Variants in NAV1 observed in about 807,000 individuals in gnomAD.
NAV1 encodes neuron navigator 1, also known as pore membrane and/or filament interacting like protein 3.
Under a neutral mutation model 175.2 loss-of-function variants are expected in NAV1, and 18 were observed. The observed-to-expected ratio is 0.10, with a 90% CI of 0.07 to 0.15. NAV1 has a LOEUF of 0.15. Ranked by LOEUF, NAV1 falls within the 10% of genes least tolerant of loss-of-function variation. The pLI is 1.00. For synonymous variants in NAV1, 897 were observed against 978.7 expected (o/e 0.92, Z 1.56); for missense variants, 1,731 against 2,436.6 (o/e 0.71, Z 6.10).
chr1:201,748,664 TA>T (rs2102587913), intron 3 of NAV1, among the ~76,000 whole-genome samples: 1 of 152,316 alleles, frequency 6.6e-6, no homozygotes, highest in African/African-American at 2.4e-5. Context: ...CTATTCATTG[TA>T]AAAGCAGCTT....
intron 3 of NAV1, among the ~76,000 whole-genome samples, chr1:201,754,554 G>T (rs144531465): frequency 2.6e-5 from 4 of 152,122 alleles, no homozygotes; most frequent in Non-Finnish European, 4.4e-5. Flanking sequence ...TCCAATGAGT[G>T]GGGGAGTAAA....
At chr1:201,825,157 T>C (rs1420243952) in exon 30 of NAV1, 1 of 152,180 alleles carries the variant, frequency 6.6e-6, no homozygotes, top group Non-Finnish European at 1.5e-5. Context: ...TGTTTGTGTC[T>C]TTCCTAGTTG....
chr1:201,741,320 G>GC (rs1385532946), intron 3 of NAV1, among the ~76,000 whole-genome samples: 3 of 152,184 alleles, frequency 2.0e-5, no homozygotes, highest in African/African-American at 7.2e-5. Flanking sequence ...ACAGAATGCA[G>GC]CCCTGAAGCC....
chr1:201,647,249 A>C (rs1447466107), upstream of NAV1, among the ~76,000 whole-genome samples: 1 of 151,968 alleles, frequency 6.6e-6, no homozygotes, highest in Non-Finnish European at 1.5e-5. Flanking sequence ...ACTGCAGACT[A>C]CTCCATCTGG....
chr1:201,556,383 A>T (rs1332893519), intron 1 of NAV1, among the ~76,000 whole-genome samples: 1 of 151,554 alleles, frequency 6.6e-6, no homozygotes, highest in Non-Finnish European at 1.5e-5. Flanking sequence ...GCACCACTGC[A>T]CTCCAGCCTG....
At position 201,659,179 on chromosome 1, in the gene NAV1, C is replaced by G. The variant is rs188319136; in HGVS notation, c.757+9754C>G. Among the ~76,000 whole-genome samples the G allele has an allele frequency of 4.6e-5, 7 of 152,336 alleles. No homozygotes were observed. The South Asian group carries it at 1.5e-3, about 32-fold the overall frequency. ...ACCAATTTGGGACTAGACAGGGGAG[C>G]TTTTCAACTGCACGCTATTCAGTGG... On this transcript the variant is annotated intron_variant, in intron 1 of 29. Coordinates refer to ENST00000367296, the Ensembl canonical transcript of NAV1.
At chr1:201,642,074 TCCTC>T (rs756574975) in intron 2 of NAV1, among the ~76,000 whole-genome samples, 29 of 145,776 alleles carry the variant, frequency 2.0e-4, no homozygotes, top group East Asian at 4.0e-4. Context: ...TTTTTTTCCT[TCCTC>T]CCTCCCTCCC....
Position 201,668,078 on chromosome 1 carries a change from G to A in NAV1, c.757+18653G>A, listed in dbSNP as rs1021148297. ...TCTTCCTCCTGCTGAGGGATCCTGG[G>A]GCCCGGGACTGCCTCAGGTTTCCCC... On this transcript the variant is annotated intron_variant, in intron 1 of 29. Coordinates refer to ENST00000367296, the Ensembl canonical transcript of NAV1. 2.0e-5 allele frequency among the ~76,000 whole-genome samples: 3 copies of A among 152,186 alleles called. No homozygotes were observed. The South Asian group carries it at 6.2e-4, about 32-fold the overall frequency.
rs576211121 is a variant in NAV1 at position 201,708,554 on chromosome 1, T to G, written c.758-4263T>G. On this transcript the variant is annotated intron_variant, in intron 1 of 29. Coordinates refer to ENST00000367296, the Ensembl canonical transcript of NAV1. ...GGCCCCCAGAGTAAGTTTTGGAGGG[T>G]GGCATCCTGGCTGGTATCATGTGAA... is the stretch of plus-strand genomic sequence containing the variant. Among the ~76,000 whole-genome samples the G allele has an allele frequency of 2.0e-5, 3 of 151,814 alleles. No individual in the cohort carries two copies. The East Asian group carries it at 5.8e-4, about 29-fold the overall frequency.
intron 9 of NAV1, 41 bp downstream of exon 13, chr1:201,786,618 AG>A: frequency 1.3e-6 from 2 of 1,589,602 alleles, no homozygotes; most frequent in South Asian, 1.1e-5. Flanking sequence ...GGGGTGAAGC[AG>A]GGGTCACCCT....
chr1:201,539,528 G>C lies in NAV1; in HGVS notation c.-144+186G>C, dbSNP rs970327820. On this transcript the variant is annotated intron_variant, in intron 1 of 33. Transcript: ENST00000685211. This position sits in a 1 kb window ranked among gnomAD's most constrained non-coding sequence, Gnocchi z 5.6. ...CGCTGGAATAAATAACAACCAAGATGCTCGCGGCTTCCCGGGAAGGTGTGT... is the reference window on the plus strand; with the variant it reads ...CGCTGGAATAAATAACAACCAAGATCCTCGCGGCTTCCCGGGAAGGTGTGT... Among the ~76,000 whole-genome samples the C allele has an allele frequency of 9.2e-5, 14 of 152,098 alleles. No individual in the cohort carries two copies. Among genetic ancestry groups the C allele is most frequent in the Admixed American group, 8.5e-4 (13 of 15,286 alleles).
At chr1:201,597,680 G>A (rs912988759) in intron 2 of NAV1, among the ~76,000 whole-genome samples, 1 of 152,204 alleles carries the variant, frequency 6.6e-6, no homozygotes, top group African/African-American at 2.4e-5. Context: ...TGAGGCACAG[G>A]AGCCGGGTTT....
intron 1 of NAV1, among the ~76,000 whole-genome samples, chr1:201,628,416 G>A (rs1358205655): frequency 6.6e-6 from 1 of 150,842 alleles, no homozygotes; most frequent in South Asian, 2.1e-4. Context: ...GATGGAAGCC[G>A]GACCCAGAGA....
At chr1:201,619,834 G>A (rs1320475100), upstream of NAV1, among the ~76,000 whole-genome samples, 1 of 152,254 alleles carries the variant, frequency 6.6e-6, no homozygotes, top group Non-Finnish European at 1.5e-5. Context: ...CACTGGAGAA[G>A]CAGAGGCAAG....
Position 201,807,396 on chromosome 1 carries a change from T to C in NAV1, c.3649-557T>C. Among the ~76,000 whole-genome samples the C allele has an allele frequency of 6.6e-6, 1 of 152,196 alleles. No homozygotes were observed. Among genetic ancestry groups the C allele is most frequent in the African/African-American group, 2.4e-5 (1 of 41,450 alleles). ...AGTTTCTGGTTGACAGATGACTAGA[T>C]GAACAGATTCTGGGCTGATGAGCCC... On this transcript the variant is annotated intron_variant, in intron 17 of 29. Transcript: ENST00000367296. This position sits in a 1 kb window ranked among gnomAD's most constrained non-coding sequence, Gnocchi z 5.4.
At chr1:201,614,633 G>A (rs374365483) in intron 2 of NAV1, among the ~76,000 whole-genome samples, 1 of 152,244 alleles carries the variant, frequency 6.6e-6, no homozygotes, top group Non-Finnish European at 1.5e-5. Context: ...TTAATGGCCA[G>A]GTAGCCTCCA....
intron 1 of NAV1, among the ~76,000 whole-genome samples, chr1:201,586,510 G>A (rs1667031492): frequency 1.3e-5 from 2 of 152,044 alleles, no homozygotes; most frequent in Admixed American, 1.3e-4. Context: ...ACACAGTTCT[G>A]GAGTCTGGAA....
Position 201,813,156 on chromosome 1 carries a change from G to A in NAV1, c.5238G>A (p.Leu1746=). The A allele has an allele frequency of 6.2e-7, 1 of 1,613,948 alleles. No individual in the cohort carries two copies. The highest frequency in any genetic ancestry group is 8.5e-7 in the Non-Finnish European group (1 of 1,179,900). Residue 1746 remains leucine (L), a synonymous_variant, in exon 28 of 30, where the codon CTG becomes CTA. Coordinates refer to ENST00000367296, the Ensembl canonical transcript of NAV1. The surrounding 1 kb of genome is among the most constrained non-coding windows in gnomAD (Gnocchi z 4.2). Reference sequence around the variant, plus strand: ...CTTCCCTAGGCCCTTGCTTCTTTCTGTCGTGTCCCATTGGCATTGAGGACT... The same window carrying A: ...CTTCCCTAGGCCCTTGCTTCTTTCTATCGTGTCCCATTGGCATTGAGGACT...
chr1:201,714,354 TA>T (rs1352876606), intron 2 of NAV1, among the ~76,000 whole-genome samples: 1 of 152,200 alleles, frequency 6.6e-6, no homozygotes, highest in Non-Finnish European at 1.5e-5. Context: ...TTCCTTGTAC[TA>T]CTCCTCCCCC....
Sources: gnomAD v4.1 joint callset for allele counts (sites outside exome capture counted in the v4.1 genomes callset) on GRCh38, gnomAD v4.1.1 for gene constraint, Gnocchi (gnomAD v3.1) non-coding constraint, MANE v1.5 for transcripts, NCBI Gene and HGNC (gene_info 2026-07-23, HGNC 2026-07-21) for gene names.